The following AFF1 variants were observed in gnomAD, a reference collection of about 807,000 sequenced individuals.
The protein encoded by AFF1 is AF4/FMR2 family member 1.
Under a neutral mutation model 121.7 loss-of-function variants are expected in AFF1, and 48 were observed. That is an observed-to-expected ratio of 0.39 (90% CI 0.31 to 0.50). The LOEUF (loss-of-function observed/expected upper bound fraction) is 0.50. Ranked by LOEUF, AFF1 falls within the 20% of genes least tolerant of loss-of-function variation. The probability of loss-of-function intolerance (pLI) is 0.76; values close to 1 mark genes in which losing one functional copy is unlikely to be tolerated. For missense variants in AFF1, 1,523 were observed against 1,511.7 expected (o/e 1.01, Z -0.12); for synonymous variants, 613 against 563.0 (o/e 1.09, Z -1.26).
At chr4:87,031,631 C>G (rs1729097256) in intron 2 of AFF1, among the ~76,000 whole-genome samples, 1 of 152,160 alleles carries the variant, frequency 6.6e-6, no homozygotes, top group Non-Finnish European at 1.5e-5. Flanking sequence ...AAATGCATTC[C>G]TGTTCTCAAC....
intron 4 of AFF1, among the ~76,000 whole-genome samples, chr4:87,051,673 T>G (rs1466568144): frequency 2.6e-5 from 4 of 152,064 alleles, no homozygotes; most frequent in African/African-American, 7.2e-5. Context: ...TTTCACCATG[T>G]TGGCCAGGAT....
intron 8 of AFF1, among the ~76,000 whole-genome samples, chr4:87,097,288 T>C (rs2149728591): frequency 6.6e-6 from 1 of 152,288 alleles, no homozygotes; most frequent in South Asian, 2.1e-4. Context: ...ACTGTGTCTC[T>C]CGCCTGTGGA....
At chr4:87,061,254 A>T (rs1470629140) in intron 4 of AFF1, among the ~76,000 whole-genome samples, 1 of 152,214 alleles carries the variant, frequency 6.6e-6, no homozygotes, top group Non-Finnish European at 1.5e-5. Flanking sequence ...CTTGTGCAGC[A>T]GAGAGGAGAC....
At chr4:87,092,424 A>G (rs1251488306) in intron 7 of AFF1, among the ~76,000 whole-genome samples, 1 of 152,226 alleles carries the variant, frequency 6.6e-6, no homozygotes, top group Non-Finnish European at 1.5e-5. Context: ...TGTATACAAC[A>G]GTAGATTGGA....
intron 4 of AFF1, among the ~76,000 whole-genome samples, chr4:87,052,431 A>T (rs1474493341): frequency 6.6e-6 from 1 of 151,774 alleles, no homozygotes; most frequent in Non-Finnish European, 1.5e-5. Flanking sequence ...TCCTCCCCCC[A>T]CACCACCACC....
chr4:87,076,662 G>T (rs182697188), intron 4 of AFF1, among the ~76,000 whole-genome samples: 2 of 152,188 alleles, frequency 1.3e-5, no homozygotes, highest in South Asian at 4.1e-4. Context: ...GCTGTTTTTT[G>T]TTGTTGTTTT....
chr4:87,083,401 T>C (rs567698501), intron 4 of AFF1, among the ~76,000 whole-genome samples: 1 of 152,190 alleles, frequency 6.6e-6, no homozygotes, highest in Non-Finnish European at 1.5e-5. Context: ...ATGCTGACTT[T>C]AAGTGAGATA....
intron 11 of AFF1, among the ~76,000 whole-genome samples, chr4:87,113,013 G>T (rs1035701226): frequency 6.6e-6 from 1 of 152,142 alleles, no homozygotes; most frequent in Non-Finnish European, 1.5e-5. Flanking sequence ...CCCACTATAT[G>T]CAAGATAGAG....
intron 2 of AFF1, among the ~76,000 whole-genome samples, chr4:87,032,321 CTG>C (rs1229956388): frequency 1.3e-5 from 2 of 152,154 alleles, no homozygotes; most frequent in African/African-American, 4.8e-5. Flanking sequence ...CTTGAAATGT[CTG>C]TGGAATGAAA....
chr4:87,138,123 T>C lies in AFF1; in HGVS notation c.*2422T>C, dbSNP rs1037490715. 1.6e-4 allele frequency: 36 copies of C among 231,882 alleles called. No individual in the cohort carries two copies. Among genetic ancestry groups the C allele is most frequent in the African/African-American group, 7.3e-4 (33 of 45,268 alleles). The allele number at this position is 231,882 out of a possible 1,614,324, so 14.4% of individuals were successfully genotyped here. A position where few individuals can be genotyped will look rare whatever the true frequency, so the allele number is the denominator to read the frequency against. ...AGATCAATTTGTACTACTTTGGTCA[T>C]TGGATATTTCTGATCCTTATTGCAT... On this transcript the variant is annotated 3_prime_UTR_variant, in exon 21 of 21. Coordinates refer to ENST00000395146, the MANE Select transcript of AFF1 (RefSeq NM_001166693.3).
chr4:87,021,468 T>A (rs1177691623), intron 2 of AFF1, among the ~76,000 whole-genome samples: 1 of 152,256 alleles, frequency 6.6e-6, no homozygotes, highest in Non-Finnish European at 1.5e-5. Flanking sequence ...AGTGGAATCA[T>A]ATTTCTATAG....
chr4:86,936,976 T>C (rs2149436312), intron 1 of AFF1, among the ~76,000 whole-genome samples: 1 of 152,328 alleles, frequency 6.6e-6, no homozygotes, highest in Admixed American at 6.5e-5. Context: ...TGGGATAGAT[T>C]TGGTCACTTT....
chr4:87,049,019 G>T (rs1320271940), intron 4 of AFF1, among the ~76,000 whole-genome samples: 2 of 126,132 alleles, frequency 1.6e-5, no homozygotes, highest in Admixed American at 9.5e-5. Context: ...AGGCAATAAA[G>T]AACTCAATGA....
intron 8 of AFF1, among the ~76,000 whole-genome samples, chr4:87,102,916 G>A (rs1725569478): frequency 2.0e-5 from 3 of 152,028 alleles, no homozygotes. Context: ...GTATGTGCTT[G>A]GCTTCAAATA....
intron 2 of AFF1, among the ~76,000 whole-genome samples, chr4:87,001,709 G>A (rs996538647): frequency 1.4e-4 from 22 of 152,212 alleles, no homozygotes; most frequent in African/African-American, 5.3e-4. Flanking sequence ...TAGGAGGGCT[G>A]CTTTGTGTTG....
intron 4 of AFF1, among the ~76,000 whole-genome samples, chr4:87,071,165 C>T (rs569306171): frequency 2.7e-4 from 41 of 149,802 alleles, no homozygotes; most frequent in African/African-American, 8.8e-4. Flanking sequence ...TTTAATTTCC[C>T]TACCAGTCTT....
intron 4 of AFF1, among the ~76,000 whole-genome samples, chr4:87,075,121 GAAAC>G (rs1344970146): frequency 2.0e-5 from 3 of 152,090 alleles, no homozygotes; most frequent in Non-Finnish European, 4.4e-5. Context: ...CAACTGGAAA[GAAAC>G]AATAAGTTTT....
At chr4:87,056,471 T>C (rs1034538807) in intron 4 of AFF1, among the ~76,000 whole-genome samples, 1 of 152,232 alleles carries the variant, frequency 6.6e-6, no homozygotes. Flanking sequence ...CTGTTGCATT[T>C]TAGAAAAATT....
At chr4:86,956,203 T>C (rs1721726645) in intron 2 of AFF1, among the ~76,000 whole-genome samples, 1 of 152,248 alleles carries the variant, frequency 6.6e-6, no homozygotes, top group East Asian at 1.9e-4. Context: ...ACACCTTGTT[T>C]TCCCTCATTT....
Sources: allele counts gnomAD v4.1 joint callset (sites outside exome capture counted in the v4.1 genomes callset), GRCh38; gene constraint gnomAD v4.1.1; transcripts MANE v1.5; gene names NCBI Gene and HGNC (gene_info 2026-07-23, HGNC 2026-07-21).